NEGR1: variants seen among roughly 807,000 people sequenced by gnomAD.
NEGR1 encodes neuronal growth regulator 1, also known as IgLON family member 4.
NEGR1 carries 10 observed loss-of-function variants against 40.9 expected under a neutral mutation model. The observed-to-expected ratio is 0.24, with a 90% CI of 0.15 to 0.42. The LOEUF is 0.42. Among genes scored for constraint, NEGR1 ranks in the 10% least tolerant of loss-of-function variants. The pLI, the probability that NEGR1 is intolerant of heterozygous loss-of-function variation, is 1.00. For missense variants in NEGR1, 352 were observed against 438.9 expected (o/e 0.80, Z 1.77); for synonymous variants, 185 against 166.8 (o/e 1.11, Z -0.84).
intron 1 of NEGR1, among the ~76,000 whole-genome samples, chr1:72,004,885 A>G (rs1308161429): frequency 6.6e-6 from 1 of 152,184 alleles, no homozygotes; most frequent in East Asian, 1.9e-4. Context: ...AAACAAAGGC[A>G]AAAGAATTGA....
chr1:71,855,330 G>A lies in NEGR1; in HGVS notation c.410-79033C>T, dbSNP rs567621456. On this transcript the variant is annotated intron_variant, in intron 2 of 6. Coordinates refer to ENST00000357731, the MANE Select transcript of NEGR1 (RefSeq NM_173808.3). ...TTTTTTTCACCAGTGAGATTATTTG[G>A]AAGACCCTTAATAATTTTTTTTCTT... Among the ~76,000 whole-genome samples, 129 of 152,050 alleles carry A rather than the reference G, an allele frequency of 8.5e-4. 1 individual carries two copies. Among genetic ancestry groups the A allele is most frequent in the Admixed American group, 8.5e-3 (129 of 15,248 alleles).
At chr1:71,648,283 G>T (rs115349117) in intron 4 of NEGR1, among the ~76,000 whole-genome samples, 3,707 of 152,076 alleles carry the variant, frequency 0.024, 99 homozygotes, top group Admixed American at 0.071. Context: ...AGGTATATAT[G>T]CAGGGAAACA....
At chr1:71,611,989 G>GAGGCGGGTGGCCC (rs765132675) in intron 4 of NEGR1, among the ~76,000 whole-genome samples, 1 of 152,192 alleles carries the variant, frequency 6.6e-6, no homozygotes, top group Non-Finnish European at 1.5e-5. Flanking sequence ...CTGGGAGGCC[G>GAGGCGGGTGGCCC]AGGCGGGTGG....
intron 1 of NEGR1, among the ~76,000 whole-genome samples, chr1:72,121,495 C>T (rs2100291581): frequency 6.6e-6 from 1 of 151,968 alleles, no homozygotes; most frequent in East Asian, 1.9e-4. Flanking sequence ...GTCAACATCT[C>T]TTAAGAAGTA....
chr1:72,034,713 A>T (rs2100445189), intron 1 of NEGR1, among the ~76,000 whole-genome samples: 1 of 152,336 alleles, frequency 6.6e-6, no homozygotes, highest in Non-Finnish European at 1.5e-5. Flanking sequence ...AAGAAATCAG[A>T]GTAGGTGATG....
chr1:71,481,303 G>T (rs374088372), intron 6 of NEGR1, among the ~76,000 whole-genome samples: 6 of 151,752 alleles, frequency 4.0e-5, no homozygotes, highest in African/African-American at 1.2e-4. Flanking sequence ...AAACTGATAG[G>T]TTTAGCTTCT....
intron 1 of NEGR1, among the ~76,000 whole-genome samples, chr1:72,240,357 A>G (rs140494894): frequency 6.6e-6 from 1 of 151,980 alleles, no homozygotes; most frequent in Non-Finnish European, 1.5e-5. Context: ...AACACCTTAG[A>G]CATCTCAAAT....
At chr1:72,113,530 ATG>A (rs368728187) in intron 1 of NEGR1, among the ~76,000 whole-genome samples, 32 of 150,120 alleles carry the variant, frequency 2.1e-4, no homozygotes, top group African/African-American at 6.1e-4. Flanking sequence ...GTTTGTGTGT[ATG>A]TGTGTGTGTG....
At chr1:71,663,770 G>C (rs1208491763) in intron 4 of NEGR1, among the ~76,000 whole-genome samples, 2 of 152,090 alleles carry the variant, frequency 1.3e-5, no homozygotes, top group East Asian at 3.8e-4. Context: ...TGAAATTCTA[G>C]GACCAAAATA....
chr1:72,253,799 C>T (rs1409826975), intron 1 of NEGR1, among the ~76,000 whole-genome samples: 1 of 152,038 alleles, frequency 6.6e-6, no homozygotes, highest in East Asian at 1.9e-4. Flanking sequence ...AGCAATAGTG[C>T]ATCAATGATA....
intron 2 of NEGR1, among the ~76,000 whole-genome samples, chr1:71,789,110 G>A (rs1038808169): frequency 1.3e-5 from 2 of 152,044 alleles, no homozygotes; most frequent in Non-Finnish European, 2.9e-5. Flanking sequence ...ATGTGTTCCA[G>A]GTCGAGTTAT....
chr1:71,708,592 CAG>C (rs1339972459), intron 3 of NEGR1, among the ~76,000 whole-genome samples: 1 of 140,738 alleles, frequency 7.1e-6, no homozygotes, highest in African/African-American at 2.5e-5. Flanking sequence ...AATTATATTA[CAG>C]AGTTTTTATT....
intron 1 of NEGR1, among the ~76,000 whole-genome samples, chr1:72,280,144 G>C (rs1656193683): frequency 6.6e-6 from 1 of 152,166 alleles, no homozygotes; most frequent in African/African-American, 2.4e-5. Flanking sequence ...AGCACACAAA[G>C]TAAACAAGGA....
chr1:72,074,116 T>C (rs900548213), intron 1 of NEGR1, among the ~76,000 whole-genome samples: 3 of 152,108 alleles, frequency 2.0e-5, no homozygotes, highest in Non-Finnish European at 4.4e-5. Context: ...TTTGTTTTCC[T>C]TTCATGGTGA....
chr1:71,757,763 T>C (rs925285516), intron 3 of NEGR1, among the ~76,000 whole-genome samples: 15 of 152,086 alleles, frequency 9.9e-5, no homozygotes, highest in Admixed American at 9.2e-4. Flanking sequence ...ATACTGTTTA[T>C]ATAGAAGAAA....
chr1:72,093,344 G>A (rs1354358278), intron 1 of NEGR1, among the ~76,000 whole-genome samples: 130 of 100,716 alleles, frequency 1.3e-3, no homozygotes, highest in African/African-American at 3.8e-3. Flanking sequence ...AAAAAAAAAA[G>A]ATGCTCAAAT....
At position 71,974,000 on chromosome 1, in the gene NEGR1, G is replaced by T. The variant is rs144014153; in HGVS notation, c.177-38689C>A. Among the ~76,000 whole-genome samples, 8 of 152,046 alleles carry T rather than the reference G, an allele frequency of 5.3e-5. No homozygotes were observed. The East Asian group carries it at 5.8e-4, about 11-fold the overall frequency. On this transcript the variant is annotated intron_variant, in intron 1 of 6. Coordinates refer to ENST00000357731, the MANE Select transcript of NEGR1 (RefSeq NM_173808.3). The stretch of plus-strand genomic sequence containing the variant: ...TATTTGATTCATTCATTGTGCAAAA[G>T]AAATTTTATTAGAGGAATTCAGCTC...
chr1:72,102,525 G>T (rs187670496), intron 1 of NEGR1, among the ~76,000 whole-genome samples: 132 of 152,074 alleles, frequency 8.7e-4, no homozygotes, highest in Non-Finnish European at 1.1e-3. Flanking sequence ...ACTCATACTG[G>T]GAAGATACTA....
intron 6 of NEGR1, among the ~76,000 whole-genome samples, chr1:71,485,589 T>C (rs1258456048): frequency 6.6e-6 from 1 of 151,640 alleles, no homozygotes; most frequent in Non-Finnish European, 1.5e-5. Flanking sequence ...GCTCTGCCTA[T>C]TCATCTCTCC....
Sources: gnomAD v4.1 joint callset for allele counts (sites outside exome capture counted in the v4.1 genomes callset) on GRCh38, gnomAD v4.1.1 for gene constraint, MANE v1.5 for transcripts, NCBI Gene and HGNC (gene_info 2026-07-23, HGNC 2026-07-21) for gene names.